Variants in KMT5C observed in about 807,000 individuals in gnomAD.
The protein encoded by KMT5C is histone-lysine N-methyltransferase KMT5C.
A neutral mutation model predicts 38.2 loss-of-function variants in KMT5C; 16 were observed. The ratio of observed to expected loss-of-function variants is 0.42; its 90% CI spans 0.28 to 0.64. KMT5C has a LOEUF of 0.64. Among genes scored for constraint, KMT5C ranks in the 30% least tolerant of loss-of-function variants. The pLI, the probability that KMT5C is intolerant of heterozygous loss-of-function variation, is 0.23. For synonymous variants in KMT5C, 291 were observed against 279.0 expected (o/e 1.04, Z -0.43); for missense variants, 598 against 665.1 (o/e 0.90, Z 1.11).
At position 55,342,465 on chromosome 19, in the gene KMT5C, T is replaced by G. The variant is rs1290237062; in HGVS notation, c.276+85T>G. ...GTCCCGCCTGGCAGACGCTCTAGAGTCCCTCAGCGCAGCCCCTGGGGCCCC... is the reference window on the plus strand; with the variant it reads ...GTCCCGCCTGGCAGACGCTCTAGAGGCCCTCAGCGCAGCCCCTGGGGCCCC... On this transcript the variant is annotated intron_variant, in intron 3 of 8. Transcript: ENST00000255613. 4 of 1,156,274 alleles carry G rather than the reference T, an allele frequency of 3.5e-6. No individual in the cohort carries two copies. The East Asian group carries it at 7.8e-5, about 23-fold the overall frequency. 71.6% of individuals were successfully genotyped at this position (1,156,274 alleles called of 1,614,324 possible).
chr19:55,347,179 G>C lies in KMT5C; in HGVS notation c.1119G>C (p.Leu373=). 1 of 1,536,892 alleles carries C rather than the reference G, an allele frequency of 6.5e-7. No homozygotes were observed. ...ACTGCCGCCTGCGAGGAGAGGCCCT[G>C]GTGGCCCTGGGCCAGCCCCCCCACG... The part of the protein sequence containing the change: ...GPHCRLRGEA[L]VALGQPPHAR... The change falls in exon 9 of 9, where the codon CTG becomes CTC. Residue 373 remains leucine, a synonymous_variant. Transcript: ENST00000255613. The surrounding 1 kb of genome is among the most constrained non-coding windows in gnomAD (Gnocchi z 4.6).
chr19:55,343,478 C>T lies in KMT5C; in HGVS notation c.387-202C>T. ...CCTGAAGGCTTTCAGTAGAAGGGTC[C>T]TGTGGGGCTGTGGGCTGGAGCAGGG... On this transcript the variant is annotated intron_variant, in intron 4 of 8. Transcript: ENST00000255613. The surrounding 1 kb of genome is among the most constrained non-coding windows in gnomAD (Gnocchi z 5.5). The T allele has an allele frequency of 1.7e-6, 1 of 603,664 alleles. No homozygotes were observed. Among genetic ancestry groups the T allele is most frequent in the Non-Finnish European group, 2.9e-6 (1 of 340,164 alleles). The allele number at this position is 603,664 out of a possible 1,614,324, so 37.4% of individuals were successfully genotyped here.
chr19:55,341,560 G>A (rs2089557199), intron 1 of KMT5C: 5 of 248,534 alleles, frequency 2.0e-5, no homozygotes, highest in East Asian at 1.2e-4. Flanking sequence ...TGTGTAGGGG[G>A]TCTCTGTACA....
chr19:55,342,887 G>A, intron 4 of KMT5C, 36 bp downstream of exon 4: 1 of 1,284,384 alleles, frequency 7.8e-7, no homozygotes, highest in Non-Finnish European at 1.1e-6. Context: ...TATCCTTGGA[G>A]GAGACAGAGC....
In KMT5C at chr19:55,346,625, AGGGCCTGCTGGGCCCTC is replaced by A; in HGVS notation, c.842_858del (p.Leu281ArgfsTer174). ...CAAGGCCTGGACAGTGGCAGCCGAC[AGGGCCTGCTGGGCCCTC>A]GGGCCTGCGTGCACCCATCCCCGCT... On this transcript the variant is annotated frameshift_variant, in exon 8 of 9. Coordinates refer to ENST00000255613, the MANE Select transcript of KMT5C (RefSeq NM_032701.4). LOFTEE classifies it high-confidence loss of function. The A allele has an allele frequency of 6.4e-7, 1 of 1,572,488 alleles. No individual in the cohort carries two copies. The highest frequency in any genetic ancestry group is 8.6e-7 in the Non-Finnish European group (1 of 1,159,788).
At chr19:55,340,838 C>T (rs1355693488) in intron 1 of KMT5C, among the ~76,000 whole-genome samples, 1 of 151,932 alleles carries the variant, frequency 6.6e-6, no homozygotes, top group African/African-American at 2.4e-5. Flanking sequence ...CTTCTCCCTC[C>T]CACAGCCCCC....
intron 6 of KMT5C, among the ~76,000 whole-genome samples, chr19:55,345,562 G>T (rs918428656): frequency 2.6e-5 from 4 of 152,206 alleles, no homozygotes; most frequent in Non-Finnish European, 5.9e-5. Context: ...CCGTCAGGCA[G>T]GCAGGTGGCG....
chr19:55,342,941 C>T (rs2089576491), intron 4 of KMT5C, 90 bp downstream of exon 4: 4 of 833,658 alleles, frequency 4.8e-6, no homozygotes, highest in African/African-American at 1.7e-5. Flanking sequence ...ACTGGCCAAC[C>T]GGGGAAAAGC....
At position 55,343,049 on chromosome 19, in the gene KMT5C, A is replaced by G. The variant is rs1049403532; in HGVS notation, c.386+198A>G. ...GTGCCGCTGGAGCAGGAGACCCCGG[A>G]TGTGACCCCAGGGTTCCTGGGGCTT... is the stretch of plus-strand genomic sequence containing the variant. On this transcript the variant is annotated intron_variant, in intron 4 of 8. Coordinates refer to ENST00000255613, the MANE Select transcript of KMT5C (RefSeq NM_032701.4). This position sits in a 1 kb window ranked among gnomAD's most constrained non-coding sequence, Gnocchi z 5.5. The G allele has an allele frequency of 5.3e-6, 3 of 567,956 alleles. No homozygotes were observed. The African/African-American group carries it at 5.7e-5, about 11-fold the overall frequency. 35.2% of individuals were successfully genotyped at this position (567,956 alleles called of 1,614,324 possible). A position where few individuals can be genotyped will look rare whatever the true frequency, so the allele number is the denominator to read the frequency against.
intron 3 of KMT5C, 34 bp from the exon 4 acceptor site, chr19:55,342,708 C>T (rs749649484): frequency 1.7e-6 from 2 of 1,199,972 alleles, no homozygotes; most frequent in Non-Finnish European, 2.5e-6. Flanking sequence ...ATGCCCCTGC[C>T]CCGCCTCCTC....
At position 55,343,366 on chromosome 19, in the gene KMT5C, TA is replaced by T. The variant is rs2048154510; in HGVS notation, c.387-313del. 2.4e-6 allele frequency: 1 copy of T among 409,386 alleles called. No homozygotes were observed. The highest frequency in any genetic ancestry group is 3.1e-5 in the South Asian group (1 of 32,682). 25.4% of individuals were successfully genotyped at this position (409,386 alleles called of 1,614,324 possible). ...AGGGTCTGGTGGGGCGAGTAGGGGG[TA>T]GTCCAGGCAGGAGGGATTTGGGGGC... On this transcript the variant is annotated intron_variant, in intron 4 of 8. Coordinates refer to ENST00000255613, the MANE Select transcript of KMT5C (RefSeq NM_032701.4). This position sits in a 1 kb window ranked among gnomAD's most constrained non-coding sequence, Gnocchi z 5.5.
rs779382701 is a variant in KMT5C, at chr19:55,347,046, G to C, written c.986G>C (p.Arg329Pro). 2.6e-6 allele frequency: 4 copies of C among 1,553,604 alleles called. No homozygotes were observed. Among genetic ancestry groups the C allele is most frequent in the Admixed American group, 1.7e-5 (1 of 59,472 alleles). The change falls in exon 9 of 9, where the codon CGA becomes CCA. Residue 329 changes from arginine to proline, a missense_variant. By Grantham distance (103) the Arg-to-Pro change is moderately radical. Coordinates refer to ENST00000255613, the MANE Select transcript of KMT5C (RefSeq NM_032701.4). This position sits in a 1 kb window ranked among gnomAD's most constrained non-coding sequence, Gnocchi z 4.6. Reference sequence around the variant, plus strand: ...CAGTGGCTGCCTCAGCCCCAGCCCCGAGTGCGGCCCCGGAAGCGCCGACGC... The same window carrying C: ...CAGTGGCTGCCTCAGCCCCAGCCCCCAGTGCGGCCCCGGAAGCGCCGACGC... ...WLQWLPQPQP[R>P]VRPRKRRRPR... is the part of the protein sequence containing the mutation.
At chr19:55,344,769 G>A (rs765250205) in intron 6 of KMT5C, 1 of 528,380 alleles carries the variant, frequency 1.9e-6, no homozygotes, top group Non-Finnish European at 3.9e-6. Context: ...CCCGGAAGCA[G>A]AAGGAATCAG....
chr19:55,341,725 G>A, intron 1 of KMT5C, 69 bp from the exon 2 acceptor site: 1 of 586,106 alleles, frequency 1.7e-6, no homozygotes, highest in South Asian at 2.0e-5. Context: ...ACTCTCAGAA[G>A]TACTTGTTGC....
rs572433071 is a variant in KMT5C, at chr19:55,346,686, C to T, written c.894C>T (p.Cys298=). 19 of 1,553,572 alleles carry T rather than the reference C, an allele frequency of 1.2e-5. 1 individual carries two copies. The highest frequency in any genetic ancestry group is 5.8e-5 in the Admixed American group (3 of 51,414). The change falls in exon 8 of 9, where the codon TGC becomes TGT. Residue 298 remains cysteine (C), a splice_region_variant and synonymous_variant. Coordinates refer to ENST00000255613, the MANE Select transcript of KMT5C (RefSeq NM_032701.4). ...CCCCGCTGCGCCGGGACCCATTCTG[C>T]GGTGAGCACCCCTCCCTGCCATCCC... ...HPSPLRRDPF[C]AACQPLRLPA...
rs747764035 is a variant in KMT5C, at chr19:55,342,352, C to T, written c.248C>T (p.Pro83Leu). The change falls in exon 3 of 9, where the codon CCG (proline) becomes CTG (leucine). Residue 83 changes from proline to leucine, a missense_variant. Physicochemically the swap from Pro to Leu is moderately conservative, Grantham distance 98 (BLOSUM62 -3). Around this residue, in one of 3 missense-constraint regions of KMT5C, gnomAD observed 167 missense variants for 187.8 expected, o/e 0.89. Coordinates refer to ENST00000255613, the MANE Select transcript of KMT5C (RefSeq NM_032701.4). ...WTARYFQSRG[P>L]RQEAALKTHV... ...GCCCGCTACTTCCAGAGCCGGGGCC[C>T]GCGGCAGGAGGCTGCCCTCAAGACC... The T allele has an allele frequency of 1.9e-5, 30 of 1,543,896 alleles. No homozygotes were observed. The highest frequency in any genetic ancestry group is 5.5e-5 in the African/African-American group (4 of 73,052).
chr19:55,346,686 C>A lies in KMT5C; in HGVS notation c.894C>A (p.Cys298Ter). The A allele has an allele frequency of 6.4e-7, 1 of 1,553,576 alleles. No homozygotes were observed. Among genetic ancestry groups the A allele is most frequent in the Non-Finnish European group, 8.7e-7 (1 of 1,149,392 alleles). ...CCCCGCTGCGCCGGGACCCATTCTG[C>A]GGTGAGCACCCCTCCCTGCCATCCC... Reference protein sequence around the residue: ...HPSPLRRDPFCAACQPLRLPA... With the variant: ...HPSPLRRDPF Residue 298 changes from cysteine to a stop codon, truncating the protein, a stop_gained and splice_region_variant, in exon 8 of 9, where the codon TGC becomes TGA. Transcript: ENST00000255613. LOFTEE classifies it low-confidence loss of function (END_TRUNC).
intron 1 of KMT5C, among the ~76,000 whole-genome samples, chr19:55,340,966 G>T (rs1003889647): frequency 1.3e-5 from 2 of 151,614 alleles, no homozygotes; most frequent in Non-Finnish European, 1.5e-5. Context: ...CTCGCAGTCT[G>T]TCCCCGACCC....
Position 55,346,957 on chromosome 19 carries a change from C to T in KMT5C, c.897C>T (p.Ala299=), listed in dbSNP as rs200304797. 156 of 953,824 alleles carry T rather than the reference C, an allele frequency of 1.6e-4. 1 individual carries two copies. Among genetic ancestry groups the T allele is most frequent in the Middle Eastern group, 3.1e-4 (1 of 3,274 alleles). The allele number at this position is 953,824 out of a possible 1,614,324, so 59.1% of individuals were successfully genotyped here. The part of the protein sequence containing the change: ...PSPLRRDPFC[A]ACQPLRLPAC... ...TCCCTGCCACCTGGGCCTTCACAGC[C>T]GCCTGCCAGCCCCTGCGCCTGCCAG... The change falls in exon 9 of 9, where the codon GCC becomes GCT. Residue 299 remains alanine, a splice_region_variant and synonymous_variant. Transcript: ENST00000255613.
Sources: allele counts gnomAD v4.1 joint callset (sites outside exome capture counted in the v4.1 genomes callset), GRCh38; gene constraint gnomAD v4.1.1; regional missense constraint gnomAD v4.1.1; non-coding constraint Gnocchi (gnomAD v3.1); transcripts MANE v1.5; gene names NCBI Gene and HGNC (gene_info 2026-07-23, HGNC 2026-07-21).